The following RPGR variants were observed in gnomAD, a reference collection of about 807,000 sequenced individuals.
The protein encoded by RPGR is X-linked retinitis pigmentosa GTPase regulator.
Under a neutral mutation model 56.3 loss-of-function variants are expected in RPGR, and 10 were observed. The observed-to-expected ratio is 0.18, with a 90% CI of 0.11 to 0.30. The LOEUF (loss-of-function observed/expected upper bound fraction) is 0.30. Ranked by LOEUF, RPGR falls within the 10% of genes least tolerant of loss-of-function variation. The pLI, the probability that RPGR is intolerant of heterozygous loss-of-function variation, is 1.00. For missense variants in RPGR, 538 were observed against 590.9 expected (o/e 0.91, Z 0.93); for synonymous variants, 197 against 212.9 (o/e 0.93, Z 0.65).
At chrX:38,309,894 T>A (rs1200283058) in intron 7 of RPGR, among the ~76,000 whole-genome samples, 1 of 111,863 alleles carries the variant, frequency 8.9e-6, no homozygotes, top group Admixed American at 9.5e-5. Flanking sequence ...ACAAGATTCA[T>A]TTTTTTTCTA....
In RPGR at chrX:38,269,708, T is replaced by A. The variant is rs2066797757; in HGVS notation, c.2366A>T (p.Asp789Val). ...ATGATTCTGACTCATGTGGTTCTGG[T>A]CGGCATCTTTATTATCACTTTTTAA... Residue 789 changes from aspartate (D) to valine (V), a missense_variant, in exon 19 of 19, where the codon GAC (aspartate) becomes GTC (valine). Around this residue, in one of 2 missense-constraint regions of RPGR, gnomAD observed 357 missense variants for 325.8 expected, o/e 1.10. Coordinates refer to ENST00000642395, the MANE Select transcript of RPGR (RefSeq NM_000328.3). 7 of 1,209,138 alleles carry A rather than the reference T, an allele frequency of 5.8e-6. No individual in the cohort carries two copies. In the East Asian group the frequency reaches 2.1e-4, roughly 36 times the overall value.
At chrX:38,310,396 G>T (rs1337133498) in intron 7 of RPGR, among the ~76,000 whole-genome samples, 4 of 111,285 alleles carry the variant, frequency 3.6e-5, no homozygotes, top group African/African-American at 1.3e-4. Flanking sequence ...CAGTGGGCGT[G>T]AAGTTTCAGT....
chrX:38,274,744 G>C (rs898139588), intron 17 of RPGR, among the ~76,000 whole-genome samples: 2 of 112,030 alleles, frequency 1.8e-5, no homozygotes, highest in Non-Finnish European at 3.8e-5. Flanking sequence ...GAACCTGGGA[G>C]GTGGAGATTG....
chrX:38,308,073 A>C (rs1442096668), intron 7 of RPGR: 4 of 111,929 alleles, frequency 3.6e-5, no homozygotes, highest in Non-Finnish European at 7.5e-5. Flanking sequence ...TGTAAAAATT[A>C]TCTCTCCATG....
intron 6 of RPGR, among the ~76,000 whole-genome samples, chrX:38,315,093 G>T (rs2067793563): frequency 9.0e-6 from 1 of 111,573 alleles, no homozygotes; most frequent in African/African-American, 3.3e-5. Context: ...ACTTTGGGAG[G>T]CCAAGGAGGG....
At chrX:38,277,895 G>C (rs987846953) in intron 15 of RPGR, among the ~76,000 whole-genome samples, 1 of 112,077 alleles carries the variant, frequency 8.9e-6, no homozygotes, top group Non-Finnish European at 1.9e-5. Flanking sequence ...GTCCAGGCTA[G>C]GAAGAGGATG....
chrX:38,274,877 G>GTA (rs761985068), intron 17 of RPGR, among the ~76,000 whole-genome samples: 5 of 112,203 alleles, frequency 4.5e-5, no homozygotes, highest in Non-Finnish European at 9.4e-5. Context: ...TGCAATATTT[G>GTA]TATGTGAAGA....
intron 6 of RPGR, among the ~76,000 whole-genome samples, chrX:38,313,444 A>C (rs1161423006): frequency 8.9e-6 from 1 of 112,093 alleles, no homozygotes; most frequent in African/African-American, 3.2e-5. Context: ...TAACATGGGG[A>C]TAAAAGTGCC....
At chrX:38,280,570 T>A (rs777503427) in intron 15 of RPGR, among the ~76,000 whole-genome samples, 52 of 111,508 alleles carry the variant, frequency 4.7e-4, no homozygotes, top group Admixed American at 9.5e-4. Flanking sequence ...CCTCACTCTG[T>A]CACTCAAGCT....
At chrX:38,270,517 G>A (rs1304591950) in intron 18 of RPGR, among the ~76,000 whole-genome samples, 8 of 106,567 alleles carry the variant, frequency 7.5e-5, no homozygotes, top group Non-Finnish European at 1.5e-4. Flanking sequence ...CAGCTACTTG[G>A]GAGGCTGAGG....
chrX:38,319,345 T>C (rs1478736256), intron 4 of RPGR, among the ~76,000 whole-genome samples: 4 of 112,899 alleles, frequency 3.5e-5, no homozygotes, highest in Non-Finnish European at 1.9e-5. Context: ...GATGTGTCCA[T>C]TAATTTTAAC....
At position 38,318,716 on chromosome X, in the gene RPGR, G is replaced by C. The variant is rs944630208; in HGVS notation, c.469+113C>G. Reference sequence around the variant, plus strand: ...TTTAAATGTTTTCTGAAAGCACATAGATAGTCGATGAAAGAAAACTAAACA... The same window carrying C: ...TTTAAATGTTTTCTGAAAGCACATACATAGTCGATGAAAGAAAACTAAACA... On this transcript the variant is annotated intron_variant, in intron 5 of 18. Coordinates refer to ENST00000642395, the MANE Select transcript of RPGR (RefSeq NM_000328.3). The C allele has an allele frequency of 5.1e-6, 4 of 784,981 alleles. No homozygotes were observed. In the African/African-American group the frequency reaches 6.3e-5, roughly 12 times the overall value. 64.7% of individuals were successfully genotyped at this position (784,981 alleles called of 1,213,427 possible).
intron 9 of RPGR, among the ~76,000 whole-genome samples, chrX:38,299,948 C>CT (rs776161875): frequency 9.1e-6 from 1 of 110,120 alleles, no homozygotes; most frequent in Non-Finnish European, 1.9e-5. Flanking sequence ...CTTTGTATTT[C>CT]TTTTTTTTCT....
intron 1 of RPGR, among the ~76,000 whole-genome samples, chrX:38,325,173 C>CAA (rs1170174575): frequency 1.5e-4 from 6 of 40,673 alleles, no homozygotes; most frequent in Admixed American, 6.3e-4. Flanking sequence ...GACTCCGTCT[C>CAA]AAAAAAAAAA....
At position 38,303,882 on chromosome X, in the gene RPGR, T is replaced by A. The variant is rs181903701; in HGVS notation, c.934+753A>T. On this transcript the variant is annotated intron_variant, in intron 8 of 18. Coordinates refer to ENST00000642395, the MANE Select transcript of RPGR (RefSeq NM_000328.3). The stretch of plus-strand genomic sequence containing the variant: ...GGATTACGTCAATACACTAGATGAT[T>A]TCTGACTTTCCAATGCTTCACTTCA... 135 of 292,649 alleles carry A rather than the reference T, an allele frequency of 4.6e-4. 1 individual carries two copies. Among genetic ancestry groups the A allele is most frequent in the African/African-American group, 3.2e-3 (117 of 36,564 alleles). 24.1% of individuals were successfully genotyped at this position (292,649 alleles called of 1,213,427 possible).
chrX:38,282,541 C>T (rs5964326), intron 15 of RPGR, among the ~76,000 whole-genome samples: 2,108 of 111,410 alleles, frequency 0.019, 45 homozygotes, highest in African/African-American at 0.066. Context: ...TGAACATCTC[C>T]TACAATCTAA....
At chrX:38,314,323 T>C (rs2067778041) in intron 6 of RPGR, among the ~76,000 whole-genome samples, 1 of 111,550 alleles carries the variant, frequency 9.0e-6, no homozygotes, top group East Asian at 2.8e-4. Context: ...AAAGAATAAA[T>C]AGGTCATTTC....
chrX:38,319,803 T>G (rs1215917357), intron 4 of RPGR, among the ~76,000 whole-genome samples: 1 of 112,556 alleles, frequency 8.9e-6, no homozygotes, highest in African/African-American at 3.2e-5. Context: ...AAGTTGTAAA[T>G]TAATGAAGAT....
At chrX:38,301,514 A>T in intron 8 of RPGR, 143 bp from the exon 9 acceptor site, 1 of 510,500 alleles carries the variant, frequency 2.0e-6, no homozygotes, top group Non-Finnish European at 3.3e-6. Context: ...TGATCTTTCC[A>T]CACTCTCTAT....
Sources: allele counts gnomAD v4.1 joint callset (sites outside exome capture counted in the v4.1 genomes callset), GRCh38; gene constraint gnomAD v4.1.1; regional missense constraint gnomAD v4.1.1; transcripts MANE v1.5; gene names NCBI Gene and HGNC (gene_info 2026-07-23, HGNC 2026-07-21).